The following SERINC2 variants were observed in gnomAD, a reference collection of about 807,000 sequenced individuals.
SERINC2 encodes the protein serine incorporator 2.
SERINC2 carries 56 observed loss-of-function variants against 54.2 expected under a neutral mutation model. The observed-to-expected ratio is 1.03, with a 90% CI of 0.83 to 1.29. The LOEUF (loss-of-function observed/expected upper bound fraction) is 1.29. Among genes scored for constraint, SERINC2 ranks in the 50% most tolerant of loss-of-function variants. The pLI, the probability that SERINC2 is intolerant of heterozygous loss-of-function variation, is 0.00. For synonymous variants in SERINC2, 272 were observed against 253.1 expected (o/e 1.07, Z -0.71); for missense variants, 614 against 607.4 (o/e 1.01, Z -0.12).
chr1:31,424,778 C>T lies in SERINC2; in HGVS notation c.297C>T (p.Arg99=), dbSNP rs576962784. The change falls in exon 3 of 10, where the codon CGC becomes CGT. Residue 99 remains arginine, a synonymous_variant. Coordinates refer to ENST00000373709, the MANE Select transcript of SERINC2 (RefSeq NM_178865.5). ...TGCTTGGCTACCGCGCTGTCTACCG[C>T]ATGTGCTTCGCCACGGCGGCCTTCT... is the stretch of plus-strand genomic sequence containing the variant. ...GSLLGYRAVY[R]MCFATAAFFF... is the part of the protein sequence containing the mutation. 1 of 1,612,432 alleles carries T rather than the reference C, an allele frequency of 6.2e-7. No homozygotes were observed. Among genetic ancestry groups the T allele is most frequent in the African/African-American group, 1.3e-5 (1 of 75,050 alleles).
At position 31,429,570 on chromosome 1, in the gene SERINC2, C is replaced by T. The variant is rs199839231; in HGVS notation, c.1013+32C>T. ...CCAGGTCTGGATTCTGGGGAAGGAT[C>T]ATGATTGAGGGCCCTGAGCCAGAGT... On this transcript the variant is annotated intron_variant, in intron 8 of 9. Transcript: ENST00000373709. The T allele has an allele frequency of 3.7e-5, 58 of 1,569,480 alleles. No individual in the cohort carries two copies. In the East Asian group the frequency reaches 1.1e-3, roughly 31 times the overall value.
At chr1:31,432,230 G>GAGTGGAGAGAGTGGACA (rs1557501868) in intron 8 of SERINC2, among the ~76,000 whole-genome samples, 1 of 151,576 alleles carries the variant, frequency 6.6e-6, no homozygotes, top group Non-Finnish European at 1.5e-5. Context: ...AGGGTGGATA[G>GAGTGGAGAGAGTGGACA]GGACCCACTG....
intron 8 of SERINC2, among the ~76,000 whole-genome samples, chr1:31,431,796 T>TAGGATGGTTAGGGTGGAC (rs1641221400): frequency 9.1e-4 from 10 of 10,954 alleles, no homozygotes; most frequent in South Asian, 2.5e-3. Flanking sequence ...ATAGGGTGGA[T>TAGGATGGTTAGGGTGGAC]AGGGTGGACA....
chr1:31,414,267 AG>A (rs1640720488), intron 1 of SERINC2: 1 of 1,327,632 alleles, frequency 7.5e-7, no homozygotes, highest in African/African-American at 1.5e-5. Flanking sequence ...CCCTTTCCCC[AG>A]CCCCCCTCTC....
intron 1 of SERINC2, among the ~76,000 whole-genome samples, chr1:31,423,092 C>A (rs761813103): frequency 6.6e-6 from 1 of 152,206 alleles, no homozygotes. Context: ...AGACACTGTT[C>A]GAATTTCTAG....
intron 8 of SERINC2, among the ~76,000 whole-genome samples, chr1:31,432,483 T>C (rs1208364669): frequency 6.6e-6 from 1 of 152,072 alleles, no homozygotes; most frequent in South Asian, 2.1e-4. Context: ...CACCTGACAC[T>C]AATAAAATGG....
At chr1:31,415,856 C>T (rs1640768585) in intron 1 of SERINC2, 1 of 985,154 alleles carries the variant, frequency 1.0e-6, no homozygotes, top group African/African-American at 1.8e-5. Flanking sequence ...GACTCATCTG[C>T]TGATTGTGCT....
At chr1:31,419,486 G>A (rs1455468422) in intron 1 of SERINC2, among the ~76,000 whole-genome samples, 3 of 152,110 alleles carry the variant, frequency 2.0e-5, no homozygotes, top group Non-Finnish European at 4.4e-5. Context: ...AGAGAAATCC[G>A]TTTTATGGAA....
chr1:31,432,195 A>AGGGTGGATAGG (rs1641312966), intron 8 of SERINC2, among the ~76,000 whole-genome samples: 2 of 25,152 alleles, frequency 8.0e-5, no homozygotes, highest in African/African-American at 1.1e-4. Context: ...GGGTGGTTAG[A>AGGGTGGATAGG]GTGGAGAGAG....
At chr1:31,426,139 G>T in intron 5 of SERINC2, 1 of 526,940 alleles carries the variant, frequency 1.9e-6, no homozygotes. Flanking sequence ...CCTTGGAGGG[G>T]TCTTGTTTGG....
Position 31,434,382 on chromosome 1 carries a change from C to G in SERINC2, c.*183C>G. The G allele has an allele frequency of 1.6e-6, 1 of 610,156 alleles. No individual in the cohort carries two copies. The highest frequency in any genetic ancestry group is 2.9e-6 in the Non-Finnish European group (1 of 349,656). 37.8% of individuals were successfully genotyped at this position (610,156 alleles called of 1,614,324 possible). A position where few individuals can be genotyped will look rare whatever the true frequency, so the allele number is the denominator to read the frequency against. On this transcript the variant is annotated 3_prime_UTR_variant, in exon 10 of 10. Coordinates refer to ENST00000373709, the MANE Select transcript of SERINC2 (RefSeq NM_178865.5). ...AGTGCCTTCAGGGTCCGAGGAGCAT[C>G]AGGCTCCTGCAGAGCCCCATCCCCC...
At chr1:31,432,057 C>CAGGGTGGATAGGATGGTT (rs1557500843) in intron 8 of SERINC2, among the ~76,000 whole-genome samples, 1 of 16,356 alleles carries the variant, frequency 6.1e-5, no homozygotes, top group African/African-American at 3.1e-4. Flanking sequence ...ACAGGGTGGA[C>CAGGGTGGATAGGATGGTT]AGGGTGGACA....
Position 31,432,062 on chromosome 1 carries a change from TGGACAGGG to T in SERINC2, c.1014-904_1014-897del, listed in dbSNP as rs1641272243. 2.3e-5 allele frequency among the ~76,000 whole-genome samples: 3 copies of T among 131,930 alleles called. 1 individual carries two copies. Among genetic ancestry groups the T allele is most frequent in the African/African-American group, 9.4e-5 (3 of 32,030 alleles). The allele number at this position is 131,930 out of a possible 152,430, so 86.6% of individuals were successfully genotyped here. A position where few individuals can be genotyped will look rare whatever the true frequency, so the allele number is the denominator to read the frequency against. On this transcript the variant is annotated intron_variant, in intron 8 of 9. Coordinates refer to ENST00000373709, the MANE Select transcript of SERINC2 (RefSeq NM_178865.5). ...GACAGGGTGGACAGGGTGGACAGGGTGGACAGGGTGGACAGGGTGGTTAGGGTGGACAG... is the reference window on the plus strand; with the variant it reads ...GACAGGGTGGACAGGGTGGACAGGGTTGGACAGGGTGGTTAGGGTGGACAG...
At chr1:31,415,020 G>C (rs782064766) in intron 1 of SERINC2, among the ~76,000 whole-genome samples, 20 of 152,226 alleles carry the variant, frequency 1.3e-4, no homozygotes, top group Non-Finnish European at 2.6e-4. Flanking sequence ...CCAAGTGCTG[G>C]TCTCTGAGTT....
chr1:31,416,015 G>A lies in SERINC2; in HGVS notation c.39+2711G>A, dbSNP rs574922759. ...GGCTGTCTGCAAAGATTTCAGGAGG[G>A]TCTTGCACATCCTAGGGAGTGTGAA... On this transcript the variant is annotated intron_variant, in intron 1 of 9. Coordinates refer to ENST00000373709, the MANE Select transcript of SERINC2 (RefSeq NM_178865.5). 8.9e-5 allele frequency: 54 copies of A among 609,090 alleles called. 1 individual carries two copies. In the South Asian group the frequency reaches 9.4e-4, roughly 11 times the overall value. 37.7% of individuals were successfully genotyped at this position (609,090 alleles called of 1,614,324 possible).
At chr1:31,421,439 C>T (rs533431526) in intron 1 of SERINC2, among the ~76,000 whole-genome samples, 8 of 152,302 alleles carry the variant, frequency 5.3e-5, no homozygotes, top group South Asian at 2.1e-4. Context: ...GTGGCAGCTG[C>T]AAGATGTAAC....
At chr1:31,431,189 A>G (rs1359333427) in intron 8 of SERINC2, among the ~76,000 whole-genome samples, 1 of 151,422 alleles carries the variant, frequency 6.6e-6, no homozygotes, top group Non-Finnish European at 1.5e-5. Context: ...CAATGACACA[A>G]TCACAGCTCA....
chr1:31,412,015 A>T (rs1640658443), upstream of SERINC2, among the ~76,000 whole-genome samples: 1 of 150,526 alleles, frequency 6.6e-6, no homozygotes, highest in African/African-American at 2.4e-5. Flanking sequence ...AAAAAAAAAA[A>T]AAAAAAAAAA....
At chr1:31,409,926 T>G, upstream of SERINC2, 1 of 1,359,904 alleles carries the variant, frequency 7.4e-7, no homozygotes, top group East Asian at 2.5e-5. Context: ...TGTTGCAGAT[T>G]TGAAAACTCA....
Sources: gnomAD v4.1 joint callset for allele counts (sites outside exome capture counted in the v4.1 genomes callset) on GRCh38, gnomAD v4.1.1 for gene constraint, MANE v1.5 for transcripts, NCBI Gene and HGNC (gene_info 2026-07-23, HGNC 2026-07-21) for gene names.